Variants in EFHB observed in about 807,000 individuals in gnomAD.
EFHB encodes EF-hand domain-containing family member B.
Under a neutral mutation model 87.2 loss-of-function variants are expected in EFHB, and 91 were observed. The observed-to-expected ratio is 1.04, with a 90% CI of 0.88 to 1.24. EFHB has a LOEUF of 1.24. EFHB is among the 50% of genes most tolerant of loss of function. EFHB has a pLI of 0.00. For missense variants in EFHB, 1,084 were observed against 998.8 expected (o/e 1.09, Z -1.15); for synonymous variants, 325 against 333.6 (o/e 0.97, Z 0.28).
intron 9 of EFHB, among the ~76,000 whole-genome samples, chr3:19,891,973 C>T (rs1246202430): frequency 6.6e-6 from 1 of 152,162 alleles, no homozygotes; most frequent in Non-Finnish European, 1.5e-5. Flanking sequence ...AGGGATCTCC[C>T]TCATGCTCCT....
intron 4 of EFHB, among the ~76,000 whole-genome samples, chr3:19,917,174 C>T (rs1431515592): frequency 1.3e-5 from 2 of 151,144 alleles, no homozygotes; most frequent in Admixed American, 1.3e-4. Context: ...AGCTTGAGAC[C>T]AGCCTGGAAA....
intron 1 of EFHB, among the ~76,000 whole-genome samples, chr3:19,946,765 G>A (rs1696295513): frequency 6.6e-6 from 1 of 152,172 alleles, no homozygotes; most frequent in Non-Finnish European, 1.5e-5. Flanking sequence ...GCTCCCACAA[G>A]GGCTGGGCAC....
At chr3:19,917,055 T>C (rs868856801) in intron 4 of EFHB, among the ~76,000 whole-genome samples, 11 of 152,000 alleles carry the variant, frequency 7.2e-5, no homozygotes, top group South Asian at 2.1e-4. Flanking sequence ...ACAGTTCATA[T>C]ACATCGGATT....
Position 19,908,592 on chromosome 3 carries a change from GAGAGAGAGAAAGAA to G in EFHB, c.1289-2857_1289-2844del, listed in dbSNP as rs1226869617. ...AGAGAGAGAGAGAGAGAGAGAGAGA[GAGAGAGAGAAAGAA>G]AGAAAGAAAGAAAGAAAGAAAGAAA... On this transcript the variant is annotated intron_variant, in intron 5 of 12. Coordinates refer to ENST00000295824, the MANE Select transcript of EFHB (RefSeq NM_144715.4). Among the ~76,000 whole-genome samples, 194 of 109,344 alleles carry G rather than the reference GAGAGAGAGAAAGAA, an allele frequency of 1.8e-3. 1 individual carries two copies. The highest frequency in any genetic ancestry group is 6.3e-3 in the South Asian group (23 of 3,628). The allele number at this position is 109,344 out of a possible 152,430, so 71.7% of individuals were successfully genotyped here.
At chr3:19,905,849 G>A in intron 5 of EFHB, 100 bp from the exon 6 acceptor site, 4 of 1,404,738 alleles carry the variant, frequency 2.8e-6, no homozygotes, top group Non-Finnish European at 3.8e-6. Flanking sequence ...AATGAGAATG[G>A]AACAAAAAAT....
intron 1 of EFHB, among the ~76,000 whole-genome samples, chr3:19,931,119 C>T (rs910033435): frequency 6.6e-6 from 1 of 152,090 alleles, no homozygotes; most frequent in Non-Finnish European, 1.5e-5. Flanking sequence ...GCTGAGATTG[C>T]ACCCCTGCAC....
intron 1 of EFHB, chr3:19,940,538 C>A: frequency 2.0e-6 from 1 of 505,180 alleles, no homozygotes; most frequent in Non-Finnish European, 4.0e-6. Context: ...ACAGTTGCTT[C>A]CATGTTGAAT....
intron 6 of EFHB, among the ~76,000 whole-genome samples, chr3:19,899,806 C>T (rs1317723270): frequency 5.3e-5 from 8 of 152,068 alleles, no homozygotes; most frequent in African/African-American, 1.7e-4. Context: ...GGCACAGTGG[C>T]TCACTGCTGT....
chr3:19,933,243 G>C lies in EFHB; in HGVS notation c.776C>G (p.Pro259Arg). The C allele has an allele frequency of 1.9e-6, 3 of 1,612,648 alleles. No homozygotes were observed. The highest frequency in any genetic ancestry group is 2.5e-6 in the Non-Finnish European group (3 of 1,178,884). The change falls in exon 1 of 13, where the codon CCT (proline) becomes CGT (arginine). Residue 259 changes from proline (P) to arginine (R), a missense_variant. Coordinates refer to ENST00000295824, the MANE Select transcript of EFHB (RefSeq NM_144715.4). The stretch of plus-strand genomic sequence containing the variant: ...AAAAAAACTTACACTTGGCCAGCAA[G>C]GGGTCCGATCAAAAAACTTCCCAGA... ...IYSGKFFDRT[P>R]CWPSAGKVIP...
At chr3:19,899,331 T>G (rs992949334) in intron 7 of EFHB, 101 bp downstream of exon 7, 41 of 726,336 alleles carry the variant, frequency 5.6e-5, no homozygotes, top group Admixed American at 4.6e-4. Context: ...ATTTTCTTAT[T>G]TAATAGATAG....
At chr3:19,908,598 G>GAGAGAGAGAGAGAGAA (rs1694937855) in intron 5 of EFHB, among the ~76,000 whole-genome samples, 1 of 77,858 alleles carries the variant, frequency 1.3e-5, no homozygotes, top group Non-Finnish European at 2.4e-5. Flanking sequence ...GAGAGAGAGA[G>GAGAGAGAGAGAGAGAA]AGAAAGAAAG....
Position 19,933,619 on chromosome 3 carries a change from A to G in EFHB, c.400T>C (p.Cys134Arg). Residue 134 changes from cysteine (C) to arginine (R), a missense_variant, in exon 1 of 13, where the codon TGT becomes CGT. Physicochemically the swap from Cys to Arg is radical, Grantham distance 180. Transcript: ENST00000295824. ...RIIQPPLGRV[C>R]GSSQAAGSRR... ...CTCCCTGCAGCCTGTGAACTTCCAC[A>G]CACCCTGCCCAAAGGAGGCTGTATT... 2 of 1,613,930 alleles carry G rather than the reference A, an allele frequency of 1.2e-6. No homozygotes were observed. Among genetic ancestry groups the G allele is most frequent in the Non-Finnish European group, 1.7e-6 (2 of 1,179,874 alleles).
At chr3:19,941,071 G>A (rs1279969972) in intron 1 of EFHB, 2 of 362,586 alleles carry the variant, frequency 5.5e-6, no homozygotes, top group Non-Finnish European at 1.0e-5. Context: ...TGCACCATAA[G>A]CAACAGCTTC....
chr3:19,900,481 A>T (rs1694633786), intron 6 of EFHB, among the ~76,000 whole-genome samples: 2 of 152,228 alleles, frequency 1.3e-5, no homozygotes, highest in South Asian at 4.1e-4. Context: ...TGGCAAAAAA[A>T]TATGGTAAAA....
chr3:19,889,473 A>AT (rs895577442), intron 9 of EFHB, among the ~76,000 whole-genome samples: 8 of 152,212 alleles, frequency 5.3e-5, no homozygotes, highest in African/African-American at 1.9e-4. Flanking sequence ...CTGAGAGGAA[A>AT]TAACTCCCAA....
chr3:19,939,199 C>T (rs1696091746), upstream of EFHB, among the ~76,000 whole-genome samples: 3 of 151,858 alleles, frequency 2.0e-5, no homozygotes, highest in African/African-American at 4.8e-5. Flanking sequence ...AGTCAACATG[C>T]CCAGCCTACT....
intron 7 of EFHB, among the ~76,000 whole-genome samples, chr3:19,899,215 C>T (rs1169265106): frequency 6.6e-6 from 1 of 152,048 alleles, no homozygotes; most frequent in East Asian, 1.9e-4. Context: ...CAAAATTATC[C>T]CTCTCTCTTC....
At chr3:19,924,657 T>C (rs767918364) in intron 1 of EFHB, among the ~76,000 whole-genome samples, 20 of 152,230 alleles carry the variant, frequency 1.3e-4, no homozygotes, top group Non-Finnish European at 2.5e-4. Flanking sequence ...TTCTTCAAGT[T>C]TGTTTTATAT....
chr3:19,898,511 A>G (rs181127894), intron 8 of EFHB, among the ~76,000 whole-genome samples: 2 of 152,304 alleles, frequency 1.3e-5, no homozygotes, highest in Non-Finnish European at 2.9e-5. Flanking sequence ...TATAGGCCAT[A>G]TTTATTTTTC....
Sources: allele counts gnomAD v4.1 joint callset (sites outside exome capture counted in the v4.1 genomes callset), GRCh38; gene constraint gnomAD v4.1.1; transcripts MANE v1.5; gene names NCBI Gene and HGNC (gene_info 2026-07-23, HGNC 2026-07-21).